The following TC2N variants were observed in gnomAD, a reference collection of about 807,000 sequenced individuals.
The protein encoded by TC2N is tandem C2 domains, nuclear.
In TC2N, 51 loss-of-function variants were observed where a neutral mutation model predicts 61.9. The observed-to-expected ratio is 0.82, with a 90% CI of 0.66 to 1.04. The LOEUF is 1.04. TC2N is among the 50% of genes least tolerant of loss of function. TC2N has a pLI of 0.00. For synonymous variants in TC2N, 204 were observed against 192.6 expected (o/e 1.06, Z -0.49); for missense variants, 556 against 566.7 (o/e 0.98, Z 0.19).
intron 1 of TC2N, among the ~76,000 whole-genome samples, chr14:91,849,243 G>C (rs142466505): frequency 8.0e-4 from 122 of 152,180 alleles, no homozygotes; most frequent in Non-Finnish European, 1.5e-3. Flanking sequence ...AGAGTTGATT[G>C]GTTCATGAGA....
chr14:91,802,747 G>C (rs914231778), intron 3 of TC2N, among the ~76,000 whole-genome samples: 4 of 151,314 alleles, frequency 2.6e-5, no homozygotes, highest in Admixed American at 1.3e-4. Flanking sequence ...ACAAGATTGG[G>C]GGGGGAGATA....
At position 91,837,755 on chromosome 14, in the gene TC2N, C is replaced by T. The variant is rs1017755613; in HGVS notation, c.-56-23930G>A. 6.6e-6 allele frequency among the ~76,000 whole-genome samples: 1 copy of T among 152,144 alleles called. No individual in the cohort carries two copies. The highest frequency in any genetic ancestry group is 1.5e-5 in the Non-Finnish European group (1 of 68,026). On this transcript the variant is annotated intron_variant, in intron 1 of 11. Coordinates refer to ENST00000435962, the MANE Select transcript of TC2N (RefSeq NM_001128596.3). This position sits in a 1 kb window ranked among gnomAD's most constrained non-coding sequence, Gnocchi z 4.2. ...ACTAGCATTTTACAGGCATAAGAAC[C>T]ATGTTTTACTTTCTTTGATCCTGCA...
At chr14:91,820,480 T>G (rs1266177575) in intron 1 of TC2N, among the ~76,000 whole-genome samples, 2 of 151,446 alleles carry the variant, frequency 1.3e-5, no homozygotes, top group Admixed American at 6.6e-5. Flanking sequence ...ACAGCATCTA[T>G]GAAAAAATCT....
At chr14:91,830,228 C>T (rs1005022209) in intron 1 of TC2N, among the ~76,000 whole-genome samples, 2 of 152,164 alleles carry the variant, frequency 1.3e-5, no homozygotes, top group Non-Finnish European at 2.9e-5. Context: ...CATATTTCCA[C>T]ACAAAAACAT....
At chr14:91,798,644 T>C (rs1024000855) in intron 6 of TC2N, among the ~76,000 whole-genome samples, 2 of 151,972 alleles carry the variant, frequency 1.3e-5, no homozygotes, top group African/African-American at 4.8e-5. Context: ...GGGATTTAAA[T>C]TAAAACTAAG....
chr14:91,816,357 T>A (rs1338150011), intron 1 of TC2N, among the ~76,000 whole-genome samples: 1 of 151,880 alleles, frequency 6.6e-6, no homozygotes, highest in Non-Finnish European at 1.5e-5. Flanking sequence ...TGTTTTAATT[T>A]ATATCTCTCT....
rs539033722 is a variant in TC2N, at chr14:91,799,047, G to A, written c.579C>T (p.Ser193=). The A allele has an allele frequency of 3.2e-6, 5 of 1,580,926 alleles. No individual in the cohort carries two copies. The South Asian group carries it at 3.5e-5, about 11-fold the overall frequency. Residue 193 remains serine (S), a synonymous_variant, in exon 6 of 12, where the codon TCC becomes TCT. Transcript: ENST00000435962. ...QRFIQRHDSL[S]SVPSSSSSRK... is the part of the protein sequence containing the mutation. ...TTGAAGAAGAACTACTGGGTACACTGGACAATGAATCATGTCTCTATAAAT... is the reference window on the plus strand; with the variant it reads ...TTGAAGAAGAACTACTGGGTACACTAGACAATGAATCATGTCTCTATAAAT...
At chr14:91,819,119 A>G (rs910980581) in intron 1 of TC2N, among the ~76,000 whole-genome samples, 1 of 152,156 alleles carries the variant, frequency 6.6e-6, no homozygotes, top group African/African-American at 2.4e-5. Context: ...GAAAATCTTA[A>G]AAGCACCCAG....
chr14:91,803,034 T>C (rs939792203), intron 3 of TC2N, among the ~76,000 whole-genome samples: 10 of 151,984 alleles, frequency 6.6e-5, no homozygotes, highest in Non-Finnish European at 1.3e-4. Flanking sequence ...TGGTAAGTGA[T>C]AGAAAAAGAG....
At chr14:91,839,275 T>C (rs1427594395) in intron 1 of TC2N, among the ~76,000 whole-genome samples, 1 of 152,144 alleles carries the variant, frequency 6.6e-6, no homozygotes, top group East Asian at 1.9e-4. Context: ...GCACACACCA[T>C]TCCCTCTACC....
chr14:91,817,656 C>A (rs1887064818), intron 1 of TC2N, among the ~76,000 whole-genome samples: 1 of 152,044 alleles, frequency 6.6e-6, no homozygotes, highest in Admixed American at 6.6e-5. Context: ...CAAACCACAT[C>A]TCTGACCCCA....
At chr14:91,840,627 C>T (rs1420421553) in intron 1 of TC2N, among the ~76,000 whole-genome samples, 1 of 152,064 alleles carries the variant, frequency 6.6e-6, no homozygotes, top group Admixed American at 6.5e-5. Context: ...TCAGGAGATC[C>T]AGTGTTACTC....
At chr14:91,857,926 A>G (rs945742307) in intron 1 of TC2N, among the ~76,000 whole-genome samples, 10 of 152,112 alleles carry the variant, frequency 6.6e-5, no homozygotes, top group Non-Finnish European at 2.9e-5. Flanking sequence ...AGAACAGAGT[A>G]GAAGCTTGAA....
At chr14:91,866,542 A>T (rs534017131) in intron 1 of TC2N, 2 of 152,364 alleles carry the variant, frequency 1.3e-5, no homozygotes, top group South Asian at 4.1e-4. Context: ...TTGGAAGATG[A>T]GGTGGTAACA....
intron 1 of TC2N, among the ~76,000 whole-genome samples, chr14:91,825,625 G>GAAACAC: frequency 6.6e-6 from 1 of 152,276 alleles, no homozygotes; most frequent in South Asian, 2.1e-4. Context: ...TGATGTGCTA[G>GAAACAC]AAACACACCA....
At chr14:91,785,844 C>A (rs1356756882) in intron 10 of TC2N, among the ~76,000 whole-genome samples, 2 of 151,786 alleles carry the variant, frequency 1.3e-5, no homozygotes, top group African/African-American at 4.8e-5. Context: ...TATAAACTAA[C>A]CTTCCCATAA....
chr14:91,804,255 A>ATAAT (rs2139849276), intron 3 of TC2N, among the ~76,000 whole-genome samples: 1 of 152,340 alleles, frequency 6.6e-6, no homozygotes, highest in South Asian at 2.1e-4. Flanking sequence ...GTAAATTGAT[A>ATAAT]TAATCACTAT....
intron 1 of TC2N, among the ~76,000 whole-genome samples, chr14:91,844,285 T>C (rs1595273444): frequency 1.3e-5 from 2 of 152,194 alleles, no homozygotes; most frequent in African/African-American, 4.8e-5. Flanking sequence ...TCATCACTCC[T>C]GTTCATCTCA....
chr14:91,852,323 C>T (rs903240830), intron 1 of TC2N, among the ~76,000 whole-genome samples: 1 of 151,998 alleles, frequency 6.6e-6, no homozygotes, highest in Non-Finnish European at 1.5e-5. Flanking sequence ...CCCAGCTACT[C>T]GGGAGGCTGA....
Sources: gnomAD v4.1 joint callset for allele counts (sites outside exome capture counted in the v4.1 genomes callset) on GRCh38, gnomAD v4.1.1 for gene constraint, Gnocchi (gnomAD v3.1) non-coding constraint, MANE v1.5 for transcripts, NCBI Gene and HGNC (gene_info 2026-07-23, HGNC 2026-07-21) for gene names.